Variants in VARS2 observed in about 807,000 individuals in gnomAD.
The protein encoded by VARS2 is valyl-tRNA synthetase 2, mitochondrial.
A neutral mutation model predicts 154.1 loss-of-function variants in VARS2; 105 were observed. That is an observed-to-expected ratio of 0.68 (90% CI 0.58 to 0.80). The LOEUF (loss-of-function observed/expected upper bound fraction) is 0.80, where lower values mean the gene tolerates loss of function less well. Ranked by LOEUF, VARS2 falls within the 30% of genes least tolerant of loss-of-function variation. VARS2 has a pLI of 0.00. For synonymous variants in VARS2, 483 were observed against 539.5 expected, an observed-to-expected ratio of 0.90 and a Z score of 1.45; for missense variants, 1,157 against 1,361.4, an observed-to-expected ratio of 0.85 and a Z score of 2.36.
chr6:30,916,519 C>T lies in VARS2; in HGVS notation c.671+270C>T, dbSNP rs530299325. The T allele has an allele frequency of 7.9e-4, 264 of 333,334 alleles. No homozygotes were observed. The highest frequency in any genetic ancestry group is 4.5e-3 in the African/African-American group (211 of 47,396). The allele number at this position is 333,334 out of a possible 1,614,324, so 20.6% of individuals were successfully genotyped here. A position where few individuals can be genotyped will look rare whatever the true frequency, so the allele number is the denominator to read the frequency against. On this transcript the variant is annotated intron_variant, in intron 7 of 29. Coordinates refer to ENST00000676266, the MANE Select transcript of VARS2 (RefSeq NM_020442.6). This position sits in a 1 kb window ranked among gnomAD's most constrained non-coding sequence, Gnocchi z 4.0. ...ATATTTTCTTTCTCTTTACTTACCCCAATTTCTCTTGTCTAAATCTCACCT... is the reference window on the plus strand; with the variant it reads ...ATATTTTCTTTCTCTTTACTTACCCTAATTTCTCTTGTCTAAATCTCACCT...
Position 30,916,543 on chromosome 6 carries a change from C to T in VARS2, c.671+294C>T, listed in dbSNP as rs963570749. ...CCAATTTCTCTTGTCTAAATCTCAC[C>T]TTCTTCCACTCGCCCATTCCCACCT... On this transcript the variant is annotated intron_variant, in intron 7 of 29. Transcript: ENST00000676266. The surrounding 1 kb of genome is among the most constrained non-coding windows in gnomAD (Gnocchi z 4.0). 4 of 349,992 alleles carry T rather than the reference C, an allele frequency of 1.1e-5. No homozygotes were observed. The highest frequency in any genetic ancestry group is 2.0e-5 in the Non-Finnish European group (4 of 200,400). The allele number at this position is 349,992 out of a possible 1,614,324, so 21.7% of individuals were successfully genotyped here. A position where few individuals can be genotyped will look rare whatever the true frequency, so the allele number is the denominator to read the frequency against.
intron 28 of VARS2, 32 bp from the exon 29 acceptor site, chr6:30,925,846 GAT>G: frequency 6.2e-7 from 1 of 1,611,722 alleles, no homozygotes; most frequent in South Asian, 1.1e-5. Context: ...GCAGCAGGCG[GAT>G]GTCTGAGCCT....
rs144628280 is a variant in VARS2, at chr6:30,922,218, A to G, written c.1909A>G (p.Thr637Ala). 715 of 1,612,436 alleles carry G rather than the reference A, an allele frequency of 4.4e-4. No individual in the cohort carries two copies. Among genetic ancestry groups the G allele is most frequent in the Admixed American group, 7.2e-4 (43 of 59,886 alleles). ...CATGGTCATGTTGGGGACCCAGCTC[A>G]CAGGGCAGCTGCCCTTCAGCAAGGT... ...GRMVMLGTQL[T>A]GQLPFSKVLL... The change falls in exon 20 of 30, where the codon ACA (threonine) becomes GCA (alanine). Residue 637 changes from threonine (T) to alanine (A), a missense_variant. By Grantham distance (58) the Thr-to-Ala change is moderately conservative. Coordinates refer to ENST00000676266, the MANE Select transcript of VARS2 (RefSeq NM_020442.6).
At position 30,922,138 on chromosome 6, in the gene VARS2, A is replaced by G; in HGVS notation, c.1829A>G (p.Tyr610Cys). The change falls in exon 20 of 30, where the codon TAC becomes TGC. Residue 610 changes from tyrosine to cysteine, a missense_variant. Transcript: ENST00000676266. ...TAGACCCCAGACCTTGCTCGTTTCT[A>G]CCCCCTGTCACTTTTGGAAACGGGC... The part of the protein sequence containing the change: ...PQETPDLARF[Y>C]PLSLLETGSD... 1 of 1,609,722 alleles carries G rather than the reference A, an allele frequency of 6.2e-7. No individual in the cohort carries two copies. The highest frequency in any genetic ancestry group is 8.5e-7 in the Non-Finnish European group (1 of 1,179,256).
rs375949840 is a variant in VARS2 at position 30,922,247 on chromosome 6, A to G, written c.1932+6A>G. Reference sequence around the variant, plus strand: ...GGCAGCTGCCCTTCAGCAAGGTAAGAGCCCTTCAGTGCCCTGCCGCTTTCT... The same window carrying G: ...GGCAGCTGCCCTTCAGCAAGGTAAGGGCCCTTCAGTGCCCTGCCGCTTTCT... On this transcript the variant is annotated splice_donor_region_variant and intron_variant, in intron 20 of 29. Coordinates refer to ENST00000676266, the MANE Select transcript of VARS2 (RefSeq NM_020442.6). The G allele has an allele frequency of 2.5e-6, 4 of 1,610,006 alleles. No individual in the cohort carries two copies. Among genetic ancestry groups the G allele is most frequent in the Non-Finnish European group, 3.4e-6 (4 of 1,178,628 alleles).
rs890892629 is a variant in VARS2, at chr6:30,921,488, C to T, written c.1633-101C>T. On this transcript the variant is annotated intron_variant, in intron 17 of 29. Transcript: ENST00000676266. This position sits in a 1 kb window ranked among gnomAD's most constrained non-coding sequence, Gnocchi z 4.6. ...TTTCTTTATCTCACCCCTGGGGGAA[C>T]CTGGCCACTCTAAGACCACATGAGG... is the stretch of plus-strand genomic sequence containing the variant. 50 of 1,462,560 alleles carry T rather than the reference C, an allele frequency of 3.4e-5. No individual in the cohort carries two copies. The highest frequency in any genetic ancestry group is 9.8e-5 in the African/African-American group (7 of 71,714). 90.6% of individuals were successfully genotyped at this position (1,462,560 alleles called of 1,614,324 possible).
intron 25 of VARS2, chr6:30,924,106 T>A: frequency 1.7e-6 from 1 of 576,508 alleles, no homozygotes; most frequent in Non-Finnish European, 3.1e-6. Flanking sequence ...ACTCAATGAT[T>A]TTTTTCCCTA....
rs41266876 is a variant in VARS2 at position 30,916,474 on chromosome 6, G to A, written c.671+225G>A. Reference sequence around the variant, plus strand: ...TATTCGTGTGTGTGTGTGTGTGTGTGTGTATTTATATATATATATATATTT... The same window carrying A: ...TATTCGTGTGTGTGTGTGTGTGTGTATGTATTTATATATATATATATATTT... On this transcript the variant is annotated intron_variant, in intron 7 of 29. Coordinates refer to ENST00000676266, the MANE Select transcript of VARS2 (RefSeq NM_020442.6). This position sits in a 1 kb window ranked among gnomAD's most constrained non-coding sequence, Gnocchi z 4.0. 0.29 allele frequency: 103,222 copies of A among 361,004 alleles called. 15,499 individuals carry two copies. Among genetic ancestry groups the A allele is most frequent in the Non-Finnish European group, 0.33 (69,986 of 214,222 alleles). 22.4% of individuals were successfully genotyped at this position (361,004 alleles called of 1,614,324 possible). A position where few individuals can be genotyped will look rare whatever the true frequency, so the allele number is the denominator to read the frequency against.
rs559111158 is a variant in VARS2, at chr6:30,926,356, G to A, written c.*146G>A. 73 of 830,476 alleles carry A rather than the reference G, an allele frequency of 8.8e-5. No homozygotes were observed. In the African/African-American group the frequency reaches 1.1e-3, roughly 12 times the overall value. 51.4% of individuals were successfully genotyped at this position (830,476 alleles called of 1,614,324 possible). ...AATGAGGACACAGACTGGCTTGGTCGCAGTGACTGTGGTGTCCTTGAGATG... is the reference window on the plus strand; with the variant it reads ...AATGAGGACACAGACTGGCTTGGTCACAGTGACTGTGGTGTCCTTGAGATG... On this transcript the variant is annotated 3_prime_UTR_variant, in exon 30 of 30. Coordinates refer to ENST00000676266, the MANE Select transcript of VARS2 (RefSeq NM_020442.6).
At position 30,920,596 on chromosome 6, in the gene VARS2, C is replaced by A; in HGVS notation, c.1398-72C>A. ...CCTCAGTACCAAGGGCCTGGCATGG[C>A]ATGGGGTCTTGTGCCCCTGGGAGAA... On this transcript the variant is annotated intron_variant, in intron 14 of 29. Coordinates refer to ENST00000676266, the MANE Select transcript of VARS2 (RefSeq NM_020442.6). This position sits in a 1 kb window ranked among gnomAD's most constrained non-coding sequence, Gnocchi z 4.6. 1 of 1,391,852 alleles carries A rather than the reference C, an allele frequency of 7.2e-7. No individual in the cohort carries two copies. The highest frequency in any genetic ancestry group is 1.4e-5 in the South Asian group (1 of 71,480). 86.2% of individuals were successfully genotyped at this position (1,391,852 alleles called of 1,614,324 possible). A position where few individuals can be genotyped will look rare whatever the true frequency, so the allele number is the denominator to read the frequency against.
In VARS2 at chr6:30,920,778, GC is replaced by G; in HGVS notation, c.1479+31del. 1 of 1,529,072 alleles carries G rather than the reference GC, an allele frequency of 6.5e-7. No homozygotes were observed. Among genetic ancestry groups the G allele is most frequent in the Non-Finnish European group, 8.8e-7 (1 of 1,135,238 alleles). The allele number at this position is 1,529,072 out of a possible 1,614,324, so 94.7% of individuals were successfully genotyped here. On this transcript the variant is annotated intron_variant, in intron 15 of 29. Transcript: ENST00000676266. The surrounding 1 kb of genome is among the most constrained non-coding windows in gnomAD (Gnocchi z 4.6). ...AGGCTGCAGTGTAGGAAGGACTGGG[GC>G]CAGGGGTTGGGGGAGCTCCCTGAGA... is the stretch of plus-strand genomic sequence containing the variant.
In VARS2 at chr6:30,920,646, A is replaced by G. The variant is rs1298436208; in HGVS notation, c.1398-22A>G. On this transcript the variant is annotated intron_variant, in intron 14 of 29. Coordinates refer to ENST00000676266, the MANE Select transcript of VARS2 (RefSeq NM_020442.6). This position sits in a 1 kb window ranked among gnomAD's most constrained non-coding sequence, Gnocchi z 4.6. ...AGTCACAGGGCCGGAAGAGCAGTGG[A>G]CTCACCCTGTCTCTCTTTCAGCCGT... is the stretch of plus-strand genomic sequence containing the variant. 1 of 1,539,290 alleles carries G rather than the reference A, an allele frequency of 6.5e-7. No homozygotes were observed.
At chr6:30,923,918 G>T (rs1264295) in intron 25 of VARS2, 104,812 of 337,172 alleles carry the variant, frequency 0.31, 18,045 homozygotes, top group Non-Finnish European at 0.36. Flanking sequence ...GCTTGTTGAC[G>T]GTGGATCCCC....
rs1794056497 is a variant in VARS2, at chr6:30,914,982, A to G, written c.146A>G (p.Lys49Arg). ...CGGAGGAACCGTGAAGCCAAACAGA[A>G]GCGCCTGCGAGAGAAGCAGGCGACT... ...ISRRNREAKQ[K>R]RLREKQATLE... Residue 49 changes from lysine to arginine, a missense_variant, in exon 2 of 30, where the codon AAG becomes AGG. Lys to Arg is a conservative substitution (Grantham distance 26). Coordinates refer to ENST00000676266, the MANE Select transcript of VARS2 (RefSeq NM_020442.6). 6.2e-7 allele frequency: 1 copy of G among 1,613,238 alleles called. No individual in the cohort carries two copies. Among genetic ancestry groups the G allele is most frequent in the Non-Finnish European group, 8.5e-7 (1 of 1,180,028 alleles).
rs747655762 is a variant in VARS2, at chr6:30,925,589, C to G, written c.2831C>G (p.Ala944Gly). Residue 944 changes from alanine to glycine, a missense_variant, in exon 28 of 30, where the codon GCC becomes GGC. Ala to Gly is a moderately conservative substitution (Grantham distance 60). Transcript: ENST00000676266. Reference sequence around the variant, plus strand: ...CCTGGGGACCAGGGCCTCTTCGAGGCCTTCTTGGAGCCCCTGGGCACCCTG... The same window carrying G: ...CCTGGGGACCAGGGCCTCTTCGAGGGCTTCTTGGAGCCCCTGGGCACCCTG... ...SEPGDQGLFEAFLEPLGTLGY... is the reference protein window; with the variant it reads ...SEPGDQGLFEGFLEPLGTLGY... 3.7e-6 allele frequency: 6 copies of G among 1,609,296 alleles called. No individual in the cohort carries two copies. The East Asian group carries it at 1.3e-4, about 36-fold the overall frequency.
chr6:30,917,297 C>T lies in VARS2; in HGVS notation c.873+73C>T, dbSNP rs1038048894. 5 of 1,608,584 alleles carry T rather than the reference C, an allele frequency of 3.1e-6. No homozygotes were observed. The African/African-American group carries it at 6.7e-5, about 21-fold the overall frequency. On this transcript the variant is annotated intron_variant, in intron 9 of 29. Transcript: ENST00000676266. This position sits in a 1 kb window ranked among gnomAD's most constrained non-coding sequence, Gnocchi z 4.4. ...TGGTCAATGATTAAGAGCTCAGACT[C>T]TGGAGCCAGGGTGCCTGGATTCAAA... is the stretch of plus-strand genomic sequence containing the variant.
At chr6:30,923,617 A>G in intron 25 of VARS2, 112 bp downstream of exon 25, 1 of 1,423,630 alleles carries the variant, frequency 7.0e-7, no homozygotes, top group Non-Finnish European at 9.4e-7. Context: ...CCCCTCAGTT[A>G]GGAGAGGAGA....
chr6:30,915,884 G>A lies in VARS2; in HGVS notation c.506+17G>A. 1 of 1,614,026 alleles carries A rather than the reference G, an allele frequency of 6.2e-7. No homozygotes were observed. The highest frequency in any genetic ancestry group is 8.5e-7 in the Non-Finnish European group (1 of 1,179,934). On this transcript the variant is annotated intron_variant, in intron 5 of 29. Coordinates refer to ENST00000676266, the MANE Select transcript of VARS2 (RefSeq NM_020442.6). ...CGTGCGCTGGTGAGAGGGGAGTGGG[G>A]GCTGCTTGAGTTCTTGGAAGGGAAA...
Position 30,921,989 on chromosome 6 carries a change from C to T in VARS2, c.1800C>T (p.Pro600=), listed in dbSNP as rs1473323779. ...TCCCCTTTTCTGCCCTGGGCTGGCC[C>T]CAAGAGGTGAGGTGGGTTGAGAGGG... The part of the protein sequence containing the change: ...ALFPFSALGW[P]QETPDLARFY... Residue 600 remains proline, a synonymous_variant, in exon 19 of 30, where the codon CCC becomes CCT. Transcript: ENST00000676266. This position sits in a 1 kb window ranked among gnomAD's most constrained non-coding sequence, Gnocchi z 4.6. 6.2e-7 allele frequency: 1 copy of T among 1,612,820 alleles called. No individual in the cohort carries two copies.
Sources: gnomAD v4.1 joint callset for allele counts on GRCh38, gnomAD v4.1.1 for gene constraint, Gnocchi (gnomAD v3.1) non-coding constraint, MANE v1.5 for transcripts, NCBI Gene and HGNC (gene_info 2026-07-23, HGNC 2026-07-21) for gene names.